Variants in GULP1 observed in about 807,000 individuals in gnomAD.
GULP1 encodes PTB domain-containing engulfment adapter protein 1.
A neutral mutation model predicts 40.9 loss-of-function variants in GULP1; 19 were observed. The observed-to-expected ratio is 0.46, with a 90% CI of 0.32 to 0.68. The LOEUF (loss-of-function observed/expected upper bound fraction) is 0.68. GULP1 is among the 30% of genes least tolerant of loss of function. GULP1 has a pLI of 0.03. For synonymous variants in GULP1, 119 were observed against 117.6 expected (o/e 1.01, Z -0.08); for missense variants, 312 against 362.2 (o/e 0.86, Z 1.12).
In GULP1 at chr2:188,549,578, T is replaced by C. The variant is rs151322301; in HGVS notation, c.399+8260T>C. Among the ~76,000 whole-genome samples, 7 of 151,946 alleles carry C rather than the reference T, an allele frequency of 4.6e-5. No homozygotes were observed. In the East Asian group the frequency reaches 1.4e-3, roughly 29 times the overall value. On this transcript the variant is annotated intron_variant, in intron 7 of 11. Transcript: ENST00000409830. Reference sequence around the variant, plus strand: ...GGTATGGCCATTCAGGAAAAACAGTTTGGCAGTTTTATAAGAAACTGAACA... The same window carrying C: ...GGTATGGCCATTCAGGAAAAACAGTCTGGCAGTTTTATAAGAAACTGAACA...
At chr2:188,442,835 G>A (rs2058052813) in intron 2 of GULP1, among the ~76,000 whole-genome samples, 1 of 152,110 alleles carries the variant, frequency 6.6e-6, no homozygotes, top group Admixed American at 6.5e-5. Context: ...TCATGACTTT[G>A]AATTTTATCC....
At chr2:188,318,216 G>C (rs1312538326) in intron 1 of GULP1, among the ~76,000 whole-genome samples, 1 of 152,094 alleles carries the variant, frequency 6.6e-6, no homozygotes, top group Non-Finnish European at 1.5e-5. Flanking sequence ...TTTTTTGACT[G>C]TTGACTGACT....
At chr2:188,453,366 A>G (rs1037473837) in intron 2 of GULP1, among the ~76,000 whole-genome samples, 2 of 152,064 alleles carry the variant, frequency 1.3e-5, no homozygotes, top group Admixed American at 1.3e-4. Flanking sequence ...TAAAGTATTT[A>G]TTATTCTAGA....
chr2:188,573,783 G>A (rs963561500), intron 9 of GULP1, among the ~76,000 whole-genome samples: 3 of 152,102 alleles, frequency 2.0e-5, no homozygotes, highest in Admixed American at 1.3e-4. Flanking sequence ...TATGAATCCC[G>A]TGATGCATAT....
intron 1 of GULP1, among the ~76,000 whole-genome samples, chr2:188,355,480 AAAGAAAT>A (rs771438967): frequency 2.1e-4 from 32 of 152,022 alleles, no homozygotes; most frequent in Non-Finnish European, 4.6e-4. Context: ...ACTGAATTAA[AAAGAAAT>A]AGAAAACTTC....
At chr2:188,561,826 C>G (rs1282380679) in intron 7 of GULP1, among the ~76,000 whole-genome samples, 1 of 152,116 alleles carries the variant, frequency 6.6e-6, no homozygotes, top group Admixed American at 6.5e-5. Flanking sequence ...TTGCCTTCAG[C>G]CCTGGCAGTG....
chr2:188,319,656 G>A (rs1378933457), intron 1 of GULP1, among the ~76,000 whole-genome samples: 1 of 152,084 alleles, frequency 6.6e-6, no homozygotes, highest in East Asian at 1.9e-4. Context: ...AGCTTAAATA[G>A]CAACCCTTTT....
chr2:188,375,572 C>G (rs1312834862), intron 1 of GULP1, among the ~76,000 whole-genome samples: 1 of 152,186 alleles, frequency 6.6e-6, no homozygotes, highest in Non-Finnish European at 1.5e-5. Flanking sequence ...TTAATGAAGA[C>G]TTGCTCTCTT....
At chr2:188,358,896 T>G (rs1346105542) in intron 1 of GULP1, among the ~76,000 whole-genome samples, 1 of 152,118 alleles carries the variant, frequency 6.6e-6, no homozygotes, top group East Asian at 1.9e-4. Context: ...AATTGACACA[T>G]TAAAAAATAA....
chr2:188,370,875 G>A (rs551460967), intron 1 of GULP1, among the ~76,000 whole-genome samples: 2 of 152,266 alleles, frequency 1.3e-5, no homozygotes, highest in African/African-American at 2.4e-5. Flanking sequence ...GTATGTGTGT[G>A]TGTGTGATGA....
chr2:188,300,792 C>G (rs2035991738), intron 1 of GULP1, among the ~76,000 whole-genome samples: 2 of 152,110 alleles, frequency 1.3e-5, no homozygotes, highest in South Asian at 4.1e-4. Context: ...ATTTATAAAT[C>G]AGTTTAGTAG....
intron 2 of GULP1, among the ~76,000 whole-genome samples, chr2:188,465,792 C>A (rs978256486): frequency 6.6e-6 from 1 of 152,108 alleles, no homozygotes; most frequent in East Asian, 1.9e-4. Context: ...CAGCAATGCT[C>A]TCAGAAACAC....
intron 2 of GULP1, among the ~76,000 whole-genome samples, chr2:188,400,101 G>T (rs370339666): frequency 2.5e-4 from 38 of 152,202 alleles, no homozygotes; most frequent in African/African-American, 7.7e-4. Flanking sequence ...CTAGGTACCA[G>T]GGGTCACTGT....
At chr2:188,412,332 G>A (rs774699836) in intron 2 of GULP1, among the ~76,000 whole-genome samples, 4 of 152,054 alleles carry the variant, frequency 2.6e-5, no homozygotes, top group Non-Finnish European at 4.4e-5. Context: ...TTTAATGCAC[G>A]CCTACCCTTC....
chr2:188,477,728 A>G lies in GULP1; in HGVS notation c.26A>G (p.Lys9Arg), dbSNP rs2061126949. 4 of 1,599,852 alleles carry G rather than the reference A, an allele frequency of 2.5e-6. No individual in the cohort carries two copies. Among genetic ancestry groups the G allele is most frequent in the Admixed American group, 1.7e-5 (1 of 57,236 alleles). The change falls in exon 3 of 12, where the codon AAA becomes AGA. Residue 9 changes from lysine to arginine, a missense_variant and splice_region_variant. Physicochemically the swap from Lys to Arg is conservative, Grantham distance 26. Coordinates refer to ENST00000409830, the MANE Select transcript of GULP1 (RefSeq NM_016315.4). ...ATGAACCGTGCTTTTAGCAGGAAGA[A>G]AGGTAAGTGTGGTCATTTTTTAAAA... MNRAFSRK[K>R]DKTWMHTPEA...
chr2:188,560,907 T>C (rs982050122), intron 7 of GULP1, among the ~76,000 whole-genome samples: 2 of 152,222 alleles, frequency 1.3e-5, no homozygotes, highest in African/African-American at 2.4e-5. Context: ...ACCAAACAGA[T>C]GGTGCTAAAC....
At chr2:188,423,507 G>C (rs12465625) in intron 2 of GULP1, among the ~76,000 whole-genome samples, 73,574 of 151,440 alleles carry the variant, frequency 0.49, 18,335 homozygotes, top group East Asian at 0.69. Flanking sequence ...GAGATTACAT[G>C]ATTATGATTC....
chr2:188,584,646 G>A (rs1701997003), intron 10 of GULP1, among the ~76,000 whole-genome samples: 1 of 151,548 alleles, frequency 6.6e-6, no homozygotes, highest in Non-Finnish European at 1.5e-5. Flanking sequence ...ATGTTTTGGT[G>A]TATTACTTCA....
intron 9 of GULP1, chr2:188,582,423 C>A (rs753145445): frequency 4.2e-6 from 2 of 471,552 alleles, no homozygotes; most frequent in Non-Finnish European, 8.8e-6. Context: ...GGTGATTCAT[C>A]TCCCTGTCTC....
Sources: gnomAD v4.1 joint callset for allele counts (sites outside exome capture counted in the v4.1 genomes callset) on GRCh38, gnomAD v4.1.1 for gene constraint, MANE v1.5 for transcripts, NCBI Gene and HGNC (gene_info 2026-07-23, HGNC 2026-07-21) for gene names.